Variants in BMF observed in about 807,000 individuals in gnomAD.
BMF encodes bcl-2-modifying factor.
Under a neutral mutation model 22.0 loss-of-function variants are expected in BMF, and 10 were observed. The ratio of observed to expected loss-of-function variants is 0.45; its 90% CI spans 0.28 to 0.77. The LOEUF is 0.77. Among genes scored for constraint, BMF ranks in the 30% least tolerant of loss-of-function variants. The pLI is 0.13. For missense variants in BMF, 206 were observed against 226.8 expected, an observed-to-expected ratio of 0.91 and a Z score of 0.59; for synonymous variants, 87 against 88.1, an observed-to-expected ratio of 0.99 and a Z score of 0.07.
intron 4 of BMF, among the ~76,000 whole-genome samples, chr15:40,101,757 T>C (rs1025118354): frequency 1.3e-5 from 2 of 152,164 alleles, no homozygotes; most frequent in African/African-American, 4.8e-5. Flanking sequence ...GGTGAAGGTC[T>C]ATAAGTAGGG....
intron 4 of BMF, among the ~76,000 whole-genome samples, chr15:40,097,372 A>G (rs1004813582): frequency 5.3e-5 from 8 of 152,256 alleles, no homozygotes; most frequent in African/African-American, 1.9e-4. Flanking sequence ...GATGATTAAA[A>G]TATTATAAAC....
chr15:40,092,832 CTCTT>C (rs2036270637), intron 4 of BMF, among the ~76,000 whole-genome samples: 2 of 151,952 alleles, frequency 1.3e-5, no homozygotes, highest in South Asian at 2.1e-4. Context: ...TCTTTGTTCT[CTCTT>C]TGTCTGCCAG....
At chr15:40,103,322 G>A (rs1406847092) in intron 4 of BMF, among the ~76,000 whole-genome samples, 2 of 152,252 alleles carry the variant, frequency 1.3e-5, no homozygotes, top group South Asian at 2.1e-4. Context: ...GTACCAGCAC[G>A]GATGCAGCCT....
intron 3 of BMF, 138 bp downstream of exon 3, chr15:40,105,657 G>C: frequency 9.3e-7 from 1 of 1,071,266 alleles, no homozygotes; most frequent in Non-Finnish European, 1.3e-6. Flanking sequence ...CCGAGAGGCA[G>C]CAGGTGGAAG....
chr15:40,094,961 C>T (rs560902879), intron 4 of BMF, among the ~76,000 whole-genome samples: 3 of 152,322 alleles, frequency 2.0e-5, no homozygotes, highest in East Asian at 3.9e-4. Context: ...GTCAATCCTG[C>T]CCAGGTGGTT....
intron 4 of BMF, among the ~76,000 whole-genome samples, chr15:40,096,130 A>G (rs1450369671): frequency 6.9e-6 from 1 of 145,972 alleles, no homozygotes; most frequent in Non-Finnish European, 1.5e-5. Flanking sequence ...ACCTGGGGAG[A>G]GGCCCAACTA....
Position 40,108,325 on chromosome 15 carries a change from G to A in BMF, c.-72C>T, listed in dbSNP as rs1251803765. On this transcript the variant is annotated 5_prime_UTR_variant, in exon 2 of 5. Transcript: ENST00000354670. The stretch of plus-strand genomic sequence containing the variant: ...TGCCAGGGCTCCGCGCCAGGGTCCA[G>A]CGTGACGAGCACTCGGGGGCTGGAC... 1 of 152,962 alleles carries A rather than the reference G, an allele frequency of 6.5e-6. No homozygotes were observed. The highest frequency in any genetic ancestry group is 2.4e-5 in the African/African-American group (1 of 41,436). The allele number at this position is 152,962 out of a possible 1,614,324, so 9.5% of individuals were successfully genotyped here.
chr15:40,107,671 G>C (rs2036617128), intron 2 of BMF, among the ~76,000 whole-genome samples: 1 of 152,032 alleles, frequency 6.6e-6, no homozygotes, highest in Non-Finnish European at 1.5e-5. Context: ...CCAGTCACCT[G>C]GCAGGGGCTC....
At position 40,089,059 on chromosome 15, in the gene BMF, C is replaced by G. The variant is rs1390743117; in HGVS notation, c.*2728G>C. 6.5e-6 allele frequency: 1 copy of G among 152,692 alleles called. No homozygotes were observed. The highest frequency in any genetic ancestry group is 1.5e-5 in the Non-Finnish European group (1 of 68,092). The allele number at this position is 152,692 out of a possible 1,614,324, so 9.5% of individuals were successfully genotyped here. On this transcript the variant is annotated 3_prime_UTR_variant, in exon 5 of 5. Coordinates refer to ENST00000354670, the MANE Select transcript of BMF (RefSeq NM_001003940.2). ...TTTCCAGTCCCTCTCCCAACCCCCA[C>G]CCTCAGCAAGCCACAAAGCCTCCAC...
In BMF at chr15:40,105,653, G is replaced by A. The variant is rs997857204; in HGVS notation, c.292+142C>T. Reference sequence around the variant, plus strand: ...GGTGAGGAGCAATAACAAGCCGAGAGGCAGCAGGTGGAAGTCAAGGAATCA... The same window carrying A: ...GGTGAGGAGCAATAACAAGCCGAGAAGCAGCAGGTGGAAGTCAAGGAATCA... On this transcript the variant is annotated intron_variant, in intron 3 of 4. Coordinates refer to ENST00000354670, the MANE Select transcript of BMF (RefSeq NM_001003940.2). 6 of 1,047,968 alleles carry A rather than the reference G, an allele frequency of 5.7e-6. No homozygotes were observed. The Admixed American group carries it at 1.4e-4, about 25-fold the overall frequency. 64.9% of individuals were successfully genotyped at this position (1,047,968 alleles called of 1,614,324 possible).
intron 4 of BMF, among the ~76,000 whole-genome samples, chr15:40,100,075 T>C (rs1344456157): frequency 6.6e-6 from 1 of 152,226 alleles, no homozygotes; most frequent in East Asian, 1.9e-4. Context: ...AACCCTCCTG[T>C]AGCTTTACTC....
chr15:40,088,205 G>A lies in BMF; in HGVS notation c.*3582C>T, dbSNP rs2036169102. 1 of 152,738 alleles carries A rather than the reference G, an allele frequency of 6.5e-6. No homozygotes were observed. The highest frequency in any genetic ancestry group is 1.5e-5 in the Non-Finnish European group (1 of 68,168). The allele number at this position is 152,738 out of a possible 1,614,324, so 9.5% of individuals were successfully genotyped here. On this transcript the variant is annotated 3_prime_UTR_variant, in exon 5 of 5. Coordinates refer to ENST00000354670, the MANE Select transcript of BMF (RefSeq NM_001003940.2). ...GGGGCACTGGCCACCTGCACAGAGA[G>A]AGGGGGCAGTGGGGCTCTGAGCACC... is the stretch of plus-strand genomic sequence containing the variant.
chr15:40,095,831 T>A (rs144054151), intron 4 of BMF, among the ~76,000 whole-genome samples: 1 of 152,194 alleles, frequency 6.6e-6, no homozygotes, highest in Admixed American at 6.5e-5. Context: ...CAGAGCCCCA[T>A]GCGGCTTCTT....
chr15:40,096,079 C>G (rs1198540282), intron 4 of BMF, among the ~76,000 whole-genome samples: 1 of 151,672 alleles, frequency 6.6e-6, no homozygotes, highest in East Asian at 1.9e-4. Context: ...GATGTCTGGC[C>G]AGGTCTAAAG....
intron 4 of BMF, among the ~76,000 whole-genome samples, 162 bp downstream of exon 4, chr15:40,104,018 C>T (rs949287274): frequency 1.4e-4 from 21 of 152,196 alleles, no homozygotes; most frequent in African/African-American, 4.8e-4. Flanking sequence ...GATGCTTAGC[C>T]AGTTAGGCCC....
chr15:40,106,037 G>C lies in BMF; in HGVS notation c.50C>G (p.Pro17Arg). 6.2e-7 allele frequency: 1 copy of C among 1,613,460 alleles called. No homozygotes were observed. The highest frequency in any genetic ancestry group is 8.5e-7 in the Non-Finnish European group (1 of 1,179,914). ...VEELEDDVFQ[P>R]EDGEPVTQPG... ...TTGGGTCACCGGCTCCCCATCCTCT[G>C]GTTGGAACACATCATCCTCCAGCTC... The change falls in exon 3 of 5, where the codon CCA (proline) becomes CGA (arginine). Residue 17 changes from proline to arginine, a missense_variant. Coordinates refer to ENST00000354670, the MANE Select transcript of BMF (RefSeq NM_001003940.2). This position sits in a 1 kb window ranked among gnomAD's most constrained non-coding sequence, Gnocchi z 4.1.
chr15:40,091,842 A>T lies in BMF; in HGVS notation c.500T>A (p.Leu167Gln). 2 of 1,611,668 alleles carry T rather than the reference A, an allele frequency of 1.2e-6. No individual in the cohort carries two copies. The highest frequency in any genetic ancestry group is 1.7e-6 in the Non-Finnish European group (2 of 1,179,188). ...TTCTCCATTCAAAGCAAGGTTGTGC[A>T]GGAAGAGGAGGATCTGCCACCACAC... ...NRVWWQILLF[L>Q]HNLALNGEEN... is the part of the protein sequence containing the mutation. Residue 167 changes from leucine to glutamine, a missense_variant, in exon 5 of 5, where the codon CTG (leucine) becomes CAG (glutamine). By Grantham distance (113) the Leu-to-Gln change is moderately radical. Transcript: ENST00000354670.
chr15:40,106,024 C>G lies in BMF; in HGVS notation c.63G>C (p.Glu21Asp). The G allele has an allele frequency of 6.2e-7, 1 of 1,613,738 alleles. No individual in the cohort carries two copies. The highest frequency in any genetic ancestry group is 8.5e-7 in the Non-Finnish European group (1 of 1,179,978). The change falls in exon 3 of 5, where the codon GAG (glutamate) becomes GAC (aspartate). Residue 21 changes from glutamate (E) to aspartate (D), a missense_variant. Coordinates refer to ENST00000354670, the MANE Select transcript of BMF (RefSeq NM_001003940.2). This position sits in a 1 kb window ranked among gnomAD's most constrained non-coding sequence, Gnocchi z 4.1. ...GCAAGCTCCCGGGTTGGGTCACCGGCTCCCCATCCTCTGGTTGGAACACAT... is the reference window on the plus strand; with the variant it reads ...GCAAGCTCCCGGGTTGGGTCACCGGGTCCCCATCCTCTGGTTGGAACACAT... ...EDDVFQPEDG[E>D]PVTQPGSLLS...
At chr15:40,101,195 C>G (rs1018255465) in intron 4 of BMF, among the ~76,000 whole-genome samples, 3 of 152,170 alleles carry the variant, frequency 2.0e-5, no homozygotes, top group African/African-American at 7.2e-5. Flanking sequence ...AGTCCCCTGC[C>G]AGGTGGAGTG....
Sources: gnomAD v4.1 joint callset for allele counts (sites outside exome capture counted in the v4.1 genomes callset) on GRCh38, gnomAD v4.1.1 for gene constraint, Gnocchi (gnomAD v3.1) non-coding constraint, MANE v1.5 for transcripts, NCBI Gene and HGNC (gene_info 2026-07-23, HGNC 2026-07-21) for gene names.